Variants in MYO1E observed in about 807,000 individuals in gnomAD.
MYO1E encodes the protein myosin IE.
In MYO1E, 68 loss-of-function variants were observed where a neutral mutation model predicts 151.1. That is an observed-to-expected ratio of 0.45 (90% CI 0.37 to 0.55). MYO1E has a LOEUF of 0.55. Ranked by LOEUF, MYO1E falls within the 20% of genes least tolerant of loss-of-function variation. The pLI is 0.00. For synonymous variants in MYO1E, 601 were observed against 501.7 expected (o/e 1.20, Z -2.64); for missense variants, 1,363 against 1,389.3 (o/e 0.98, Z 0.30).
At chr15:59,147,615 A>AAAAAAG (rs55778227) in intron 26 of MYO1E, among the ~76,000 whole-genome samples, 2 of 147,794 alleles carry the variant, frequency 1.4e-5, no homozygotes, top group African/African-American at 5.0e-5. Context: ...AAAAAAAAAA[A>AAAAAAG]CAATACAAAA....
In MYO1E at chr15:59,134,265, G is replaced by T. The variant is rs1029414018; in HGVS notation, c.*3115C>A. 38 of 152,510 alleles carry T rather than the reference G, an allele frequency of 2.5e-4. No homozygotes were observed. Among genetic ancestry groups the T allele is most frequent in the African/African-American group, 8.9e-4 (37 of 41,596 alleles). The allele number at this position is 152,510 out of a possible 1,614,324, so 9.4% of individuals were successfully genotyped here. A position where few individuals can be genotyped will look rare whatever the true frequency, so the allele number is the denominator to read the frequency against. ...ACGATGGGCTGGGACCACACGTTGGGAGGTCAGTGGGTTGGCATCCTTCAT... is the reference window on the plus strand; with the variant it reads ...ACGATGGGCTGGGACCACACGTTGGTAGGTCAGTGGGTTGGCATCCTTCAT... On this transcript the variant is annotated 3_prime_UTR_variant, in exon 28 of 28. Coordinates refer to ENST00000288235, the MANE Select transcript of MYO1E (RefSeq NM_004998.4).
intron 15 of MYO1E, among the ~76,000 whole-genome samples, chr15:59,204,675 A>C (rs1420105347): frequency 1.3e-5 from 2 of 152,212 alleles, no homozygotes; most frequent in East Asian, 3.8e-4. Flanking sequence ...CCTACAGCTG[A>C]AACAGGGTCT....
chr15:59,210,710 C>T (rs2079873592), intron 12 of MYO1E, 110 bp from the exon 13 acceptor site: 2 of 752,308 alleles, frequency 2.7e-6, no homozygotes, highest in Non-Finnish European at 4.7e-6. Context: ...CCTGAATGTC[C>T]TGCAACAAAG....
chr15:59,263,871 C>A (rs1420637806), intron 2 of MYO1E, among the ~76,000 whole-genome samples: 1 of 152,108 alleles, frequency 6.6e-6, no homozygotes, highest in East Asian at 1.9e-4. Context: ...TCAGATGAGG[C>A]CAATGATAGA....
intron 19 of MYO1E, among the ~76,000 whole-genome samples, chr15:59,174,604 T>A (rs2079613740): frequency 6.6e-6 from 1 of 152,072 alleles, no homozygotes; most frequent in African/African-American, 2.4e-5. Flanking sequence ...TCAGATCAAG[T>A]GAGTGGGTGG....
intron 4 of MYO1E, among the ~76,000 whole-genome samples, chr15:59,247,921 A>G: frequency 6.6e-6 from 1 of 152,046 alleles, no homozygotes; most frequent in Middle Eastern, 3.2e-3. Flanking sequence ...CAGGGGTTCA[A>G]GACCAGCCTG....
intron 18 of MYO1E, among the ~76,000 whole-genome samples, chr15:59,179,629 T>C (rs2079646459): frequency 6.6e-6 from 1 of 152,242 alleles, no homozygotes; most frequent in Admixed American, 6.5e-5. Context: ...AATTATGACT[T>C]GCCCAAGGCT....
chr15:59,138,123 T>A, intron 27 of MYO1E, 75 bp downstream of exon 27: 2 of 1,563,792 alleles, frequency 1.3e-6, no homozygotes, highest in Non-Finnish European at 1.8e-6. Context: ...TCTTTTCATT[T>A]TCACACTAGA....
intron 1 of MYO1E, among the ~76,000 whole-genome samples, chr15:59,365,032 CTTTTTT>C (rs200786215): frequency 0.048 from 6,985 of 146,696 alleles, 405 homozygotes; most frequent in East Asian, 0.3. Flanking sequence ...ATTTCTTTTT[CTTTTTT>C]TTTTTCTTTT....
At chr15:59,337,652 G>A (rs952002527) in intron 1 of MYO1E, among the ~76,000 whole-genome samples, 2 of 152,164 alleles carry the variant, frequency 1.3e-5, no homozygotes, top group Non-Finnish European at 2.9e-5. Context: ...CCAACATGGA[G>A]AAACCCCGTC....
At chr15:59,218,243 C>T in intron 9 of MYO1E, 156 bp from the exon 10 acceptor site, 1 of 819,876 alleles carries the variant, frequency 1.2e-6, no homozygotes, top group Non-Finnish European at 2.0e-6. Flanking sequence ...GTGAAGGCTG[C>T]TTATCAGTAA....
chr15:59,186,748 T>C (rs1272372545), intron 18 of MYO1E, among the ~76,000 whole-genome samples: 1 of 152,218 alleles, frequency 6.6e-6, no homozygotes, highest in Non-Finnish European at 1.5e-5. Context: ...ACTTTGTCTC[T>C]AAATAAATAA....
intron 1 of MYO1E, among the ~76,000 whole-genome samples, chr15:59,353,030 A>G (rs2080832329): frequency 6.6e-6 from 1 of 152,190 alleles, no homozygotes. Flanking sequence ...TTTCTTTTCT[A>G]AGGAAGTCAG....
At chr15:59,299,962 C>A (rs529580841) in intron 1 of MYO1E, among the ~76,000 whole-genome samples, 1 of 152,214 alleles carries the variant, frequency 6.6e-6, no homozygotes, top group East Asian at 1.9e-4. Flanking sequence ...TATGTGATAC[C>A]ATCTCCTATC....
chr15:59,208,272 C>T (rs1390381123), intron 14 of MYO1E: 2 of 604,812 alleles, frequency 3.3e-6, no homozygotes, highest in Non-Finnish European at 5.7e-6. Flanking sequence ...TACTTATTTA[C>T]AATTCCTAAG....
At chr15:59,344,103 A>G (rs1042581875) in intron 1 of MYO1E, among the ~76,000 whole-genome samples, 1 of 152,180 alleles carries the variant, frequency 6.6e-6, no homozygotes, top group Admixed American at 6.5e-5. Flanking sequence ...AGAGTTAAGA[A>G]TTTATTGTAG....
intron 25 of MYO1E, among the ~76,000 whole-genome samples, chr15:59,156,622 A>G (rs937225433): frequency 7.2e-5 from 11 of 152,320 alleles, no homozygotes; most frequent in African/African-American, 2.4e-4. Flanking sequence ...AGCCACCATG[A>G]CCAGCCTCAA....
intron 7 of MYO1E, among the ~76,000 whole-genome samples, chr15:59,225,389 C>G (rs1426040233): frequency 6.6e-6 from 1 of 152,146 alleles, no homozygotes; most frequent in East Asian, 1.9e-4. Context: ...TTTTGGCCCC[C>G]ACACCCCAGC....
intron 1 of MYO1E, among the ~76,000 whole-genome samples, chr15:59,273,581 G>C (rs892776146): frequency 6.6e-6 from 1 of 152,176 alleles, no homozygotes; most frequent in African/African-American, 2.4e-5. Context: ...CCCAGAAAAG[G>C]AGCCATTTGA....
Sources: gnomAD v4.1 joint callset for allele counts (sites outside exome capture counted in the v4.1 genomes callset) on GRCh38, gnomAD v4.1.1 for gene constraint, MANE v1.5 for transcripts, NCBI Gene and HGNC (gene_info 2026-07-23, HGNC 2026-07-21) for gene names.